Variants in PHF24 observed in about 807,000 individuals in gnomAD.
PHF24 encodes the protein PHD finger protein 24, also known as Galpha inhibitory interacting protein.
PHF24 carries 25 observed loss-of-function variants against 42.6 expected under a neutral mutation model. That is an observed-to-expected ratio of 0.59 (90% confidence interval 0.43 to 0.82). The LOEUF (loss-of-function observed/expected upper bound fraction) is 0.82, where lower values mean the gene tolerates loss of function less well. Ranked by LOEUF, PHF24 falls within the 40% of genes least tolerant of loss-of-function variation. The pLI, the probability that PHF24 is intolerant of heterozygous loss-of-function variation, is 0.00. For missense variants in PHF24, 470 were observed against 538.1 expected (o/e 0.87, Z 1.25); for synonymous variants, 185 against 204.8 (o/e 0.90, Z 0.83).
chr9:34,759,955 C>T, the PHF24 span, among the ~76,000 whole-genome samples: 3 of 152,164 alleles, frequency 2.0e-5, no homozygotes, highest in African/African-American at 4.8e-5. Flanking sequence ...GGTGCTTGTG[C>T]GGACAGGACA....
At chr9:34,800,460 C>A in the PHF24 span, among the ~76,000 whole-genome samples, 7 of 152,190 alleles carry the variant, frequency 4.6e-5, no homozygotes, top group Admixed American at 4.6e-4. Flanking sequence ...GTACTGGTAC[C>A]AAAACAGATA....
the PHF24 span, among the ~76,000 whole-genome samples, chr9:34,718,576 G>T: frequency 1.1e-4 from 16 of 152,346 alleles, no homozygotes; most frequent in Non-Finnish European, 2.1e-4. Flanking sequence ...GGTAGGCCTG[G>T]CCTAGACCAT....
chr9:34,704,169 G>A, the PHF24 span, among the ~76,000 whole-genome samples: 4 of 151,900 alleles, frequency 2.6e-5, no homozygotes, highest in Non-Finnish European at 5.9e-5. Flanking sequence ...TAGGACAATA[G>A]GCCTGTGCCA....
the PHF24 span, among the ~76,000 whole-genome samples, chr9:34,740,779 A>G: frequency 9.2e-5 from 14 of 152,344 alleles, no homozygotes; most frequent in African/African-American, 3.4e-4. Context: ...AAATTATTAT[A>G]TATCCTTACA....
the PHF24 span, among the ~76,000 whole-genome samples, chr9:34,677,389 GTTTTTTTTTTT>G: frequency 6.3e-5 from 5 of 79,794 alleles, no homozygotes; most frequent in Non-Finnish European, 9.0e-5. Context: ...TTTGTAAACT[GTTTTTTTTTTT>G]TTTTTTTTTT....
At chr9:34,776,188 T>G in the PHF24 span, among the ~76,000 whole-genome samples, 1 of 152,202 alleles carries the variant, frequency 6.6e-6, no homozygotes, top group South Asian at 2.1e-4. Context: ...TGCAAAATTC[T>G]GAACATACTA....
At chr9:34,852,217 T>A in the PHF24 span, among the ~76,000 whole-genome samples, 1 of 152,256 alleles carries the variant, frequency 6.6e-6, no homozygotes, top group Non-Finnish European at 1.5e-5. Flanking sequence ...ATACAAGATA[T>A]AATACATATA....
chr9:34,900,971 A>G, the PHF24 span, among the ~76,000 whole-genome samples: 1 of 152,212 alleles, frequency 6.6e-6, no homozygotes, highest in Non-Finnish European at 1.5e-5. Flanking sequence ...ACAGCACCAA[A>G]TGGACTAAGA....
At chr9:34,917,329 A>C in the PHF24 span, 12 of 880,156 alleles carry the variant, frequency 1.4e-5, no homozygotes, top group Non-Finnish European at 2.0e-6. Context: ...AGTGAGCCCA[A>C]GTGTGTGGAA....
chr9:34,942,176 G>A, the PHF24 span, among the ~76,000 whole-genome samples: 72 of 152,200 alleles, frequency 4.7e-4, no homozygotes, highest in Non-Finnish European at 8.1e-4. Flanking sequence ...AGGACAGCTC[G>A]CACCACAGCC....
At chr9:34,975,024 GCCC>G (rs536277823) in intron 3 of PHF24, among the ~76,000 whole-genome samples, 98 of 152,184 alleles carry the variant, frequency 6.4e-4, no homozygotes, top group Non-Finnish European at 1.2e-3. Flanking sequence ...TGTTGCGGCA[GCCC>G]CCAACTGCTC....
chr9:34,969,800 T>A (rs1218729508), intron 1 of PHF24, among the ~76,000 whole-genome samples: 1 of 152,174 alleles, frequency 6.6e-6, no homozygotes, highest in Non-Finnish European at 1.5e-5. Context: ...ATTTAAACCC[T>A]CTACCTCTTG....
exon 6 of PHF24, chr9:34,977,095 A>G: frequency 6.2e-7 from 1 of 1,600,086 alleles, no homozygotes; most frequent in Non-Finnish European, 8.5e-7. Context: ...CTCTCTGTTG[A>G]GGCTTCTGAC....
intron 1 of PHF24, 118 bp from the exon 2 acceptor site, chr9:34,971,177 A>G: frequency 1.9e-6 from 2 of 1,073,372 alleles, no homozygotes. Context: ...CTCCACCCCC[A>G]CCATGTTCTA....
the PHF24 span, among the ~76,000 whole-genome samples, chr9:34,708,596 C>T: frequency 6.6e-6 from 1 of 152,168 alleles, no homozygotes. Flanking sequence ...TCCTAGGGAC[C>T]CTTCCAAAGA....
At chr9:34,869,720 G>A in the PHF24 span, among the ~76,000 whole-genome samples, 1 of 151,878 alleles carries the variant, frequency 6.6e-6, no homozygotes, top group African/African-American at 2.4e-5. Flanking sequence ...TTTTTTGTTT[G>A]TTTTGTTTTT....
the PHF24 span, among the ~76,000 whole-genome samples, chr9:34,686,014 G>T: frequency 6.6e-6 from 1 of 152,170 alleles, no homozygotes; most frequent in Admixed American, 6.6e-5. Flanking sequence ...AGTTTTCTCA[G>T]CTGCAACATA....
the PHF24 span, among the ~76,000 whole-genome samples, chr9:34,730,472 G>T: frequency 5.3e-5 from 8 of 152,278 alleles, no homozygotes; most frequent in East Asian, 1.5e-3. Context: ...TCCTTCCTCA[G>T]TATCCAGCCC....
the PHF24 span, among the ~76,000 whole-genome samples, chr9:34,740,981 G>A: frequency 6.6e-6 from 1 of 151,842 alleles, no homozygotes; most frequent in Non-Finnish European, 1.5e-5. Context: ...TGCCTCCCAG[G>A]TTCAAGCAAT....
Sources: gnomAD v4.1 joint callset for allele counts (sites outside exome capture counted in the v4.1 genomes callset) on GRCh38, gnomAD v4.1.1 for gene constraint, MANE v1.5 for transcripts, NCBI Gene and HGNC (gene_info 2026-07-23, HGNC 2026-07-21) for gene names.